The following SPIDR variants were observed in gnomAD, a reference collection of about 807,000 sequenced individuals.
SPIDR encodes the protein scaffold protein involved in DNA repair, also known as DNA repair-scaffolding protein.
In SPIDR, 93 loss-of-function variants were observed where a neutral mutation model predicts 104.6. The observed-to-expected ratio is 0.89, with a 90% CI of 0.75 to 1.06. The LOEUF (loss-of-function observed/expected upper bound fraction) is 1.06, where lower values mean the gene tolerates loss of function less well. Among genes scored for constraint, SPIDR ranks in the 50% least tolerant of loss-of-function variants. SPIDR has a pLI of 0.00. For missense variants in SPIDR, 1,154 were observed against 1,111.2 expected, an observed-to-expected ratio of 1.04 and a Z score of -0.55; for synonymous variants, 431 against 416.9, an observed-to-expected ratio of 1.03 and a Z score of -0.41.
At chr8:47,516,239 C>T (rs1283623058) in intron 8 of SPIDR, among the ~76,000 whole-genome samples, 1 of 152,194 alleles carries the variant, frequency 6.6e-6, no homozygotes, top group Non-Finnish European at 1.5e-5. Flanking sequence ...CCATCATACC[C>T]AGCCTCATGA....
chr8:47,495,345 T>C (rs1366822886), intron 8 of SPIDR, among the ~76,000 whole-genome samples: 2 of 151,478 alleles, frequency 1.3e-5, no homozygotes, highest in African/African-American at 4.9e-5. Flanking sequence ...TCTAAAAGGA[T>C]GTATAAAACA....
At chr8:47,553,350 G>T (rs1704329458) in intron 8 of SPIDR, among the ~76,000 whole-genome samples, 1 of 152,158 alleles carries the variant, frequency 6.6e-6, no homozygotes, top group Non-Finnish European at 1.5e-5. Context: ...TTCCAACTTG[G>T]TTCCATTCTC....
intron 5 of SPIDR, among the ~76,000 whole-genome samples, chr8:47,297,947 T>C (rs1563518794): frequency 6.6e-6 from 1 of 152,170 alleles, no homozygotes. Flanking sequence ...TAGCAGCATA[T>C]TTTGTAATCC....
Position 47,440,542 on chromosome 8 carries a change from G to T in SPIDR, c.1097G>T (p.Trp366Leu). The T allele has an allele frequency of 1.2e-6, 2 of 1,612,730 alleles. No individual in the cohort carries two copies. Among genetic ancestry groups the T allele is most frequent in the South Asian group, 2.2e-5 (2 of 91,020 alleles). ...GACACTGTCCGGATCTTCCCTCCCTGGTGAGTGCGCAGAACTTAATCCAGC... is the reference window on the plus strand; with the variant it reads ...GACACTGTCCGGATCTTCCCTCCCTTGTGAGTGCGCAGAACTTAATCCAGC... Reference protein sequence around the residue: ...PQDTVRIFPPWQKLIIPSGSC... With the variant: ...PQDTVRIFPPLQKLIIPSGSC... The change falls in exon 8 of 20, where the codon TGG becomes TTG. Residue 366 changes from tryptophan (W) to leucine (L), a missense_variant and splice_region_variant. Coordinates refer to ENST00000297423, the MANE Select transcript of SPIDR (RefSeq NM_001080394.4).
At chr8:47,661,244 A>C (rs974675358) in intron 10 of SPIDR, among the ~76,000 whole-genome samples, 1 of 152,194 alleles carries the variant, frequency 6.6e-6, no homozygotes, top group Non-Finnish European at 1.5e-5. Flanking sequence ...CACATGTCCT[A>C]CTTCTCTGTG....
At chr8:47,699,519 G>C (rs1211723964) in intron 11 of SPIDR, among the ~76,000 whole-genome samples, 1 of 152,046 alleles carries the variant, frequency 6.6e-6, no homozygotes, top group African/African-American at 2.4e-5. Context: ...AATCATAACT[G>C]TTTGTCCTTT....
chr8:47,469,728 G>A (rs1254087034), intron 8 of SPIDR, among the ~76,000 whole-genome samples: 1 of 152,112 alleles, frequency 6.6e-6, no homozygotes, highest in Non-Finnish European at 1.5e-5. Flanking sequence ...TGGAGGGTGG[G>A]CGGAAGGAGG....
chr8:47,451,909 A>G lies in SPIDR; in HGVS notation c.1097+11367A>G, dbSNP rs145790618. Among the ~76,000 whole-genome samples, 1,370 of 152,266 alleles carry G rather than the reference A, an allele frequency of 9.0e-3. 17 individuals are homozygous for G. The highest frequency in any genetic ancestry group is 0.014 in the Middle Eastern group (4 of 294). On this transcript the variant is annotated intron_variant, in intron 8 of 19. Coordinates refer to ENST00000297423, the MANE Select transcript of SPIDR (RefSeq NM_001080394.4). ...GCGCAGCAATTAGCAATCAAAACAC[A>G]TAATCAGCCCTGGTCCCAGCAATCT...
intron 8 of SPIDR, among the ~76,000 whole-genome samples, chr8:47,502,097 A>G (rs1260604003): frequency 6.6e-6 from 1 of 152,154 alleles, no homozygotes; most frequent in Non-Finnish European, 1.5e-5. Flanking sequence ...TTGGTCTAAA[A>G]TTGTCTTTTT....
At chr8:47,661,834 GCTT>G (rs938634464) in intron 10 of SPIDR, among the ~76,000 whole-genome samples, 1 of 152,232 alleles carries the variant, frequency 6.6e-6, no homozygotes, top group Non-Finnish European at 1.5e-5. Context: ...AGCCCAGAGA[GCTT>G]CTGTGCCTTG....
At chr8:47,437,767 A>G (rs1206055436) in intron 7 of SPIDR, among the ~76,000 whole-genome samples, 5 of 152,102 alleles carry the variant, frequency 3.3e-5, no homozygotes, top group African/African-American at 1.2e-4. Flanking sequence ...GTGGAGAAAT[A>G]GGAACACTTT....
chr8:47,599,255 T>C, intron 10 of SPIDR, 59 bp downstream of exon 10: 2 of 1,586,322 alleles, frequency 1.3e-6, no homozygotes, highest in East Asian at 4.5e-5. Flanking sequence ...CAGAGTGCTC[T>C]AGAAAGTGGA....
chr8:47,554,190 C>T (rs772129711), intron 8 of SPIDR, among the ~76,000 whole-genome samples: 2 of 152,160 alleles, frequency 1.3e-5, no homozygotes, highest in Non-Finnish European at 1.5e-5. Flanking sequence ...TTAGGCTACT[C>T]GAGGGTCAGG....
intron 8 of SPIDR, among the ~76,000 whole-genome samples, chr8:47,502,193 T>A (rs2080605276): frequency 6.6e-6 from 1 of 152,216 alleles, no homozygotes; most frequent in South Asian, 2.1e-4. Context: ...TTTCTGTTGA[T>A]TGGAATAGTT....
chr8:47,479,023 T>C (rs1268801857), intron 8 of SPIDR, among the ~76,000 whole-genome samples: 5 of 152,124 alleles, frequency 3.3e-5, no homozygotes, highest in African/African-American at 1.2e-4. Flanking sequence ...GGTATTCATC[T>C]CATCCAAAAG....
chr8:47,518,707 G>A (rs1287477415), intron 8 of SPIDR, among the ~76,000 whole-genome samples: 1 of 151,844 alleles, frequency 6.6e-6, no homozygotes, highest in Non-Finnish European at 1.5e-5. Flanking sequence ...CGCAATCTCG[G>A]CTCACTGCAA....
At chr8:47,603,578 G>A (rs1480390594) in intron 10 of SPIDR, among the ~76,000 whole-genome samples, 2 of 123,332 alleles carry the variant, frequency 1.6e-5, no homozygotes, top group South Asian at 5.1e-4. Context: ...TTTTTTTTTT[G>A]GTAGAGATAG....
intron 8 of SPIDR, among the ~76,000 whole-genome samples, chr8:47,495,557 A>G (rs2079314621): frequency 6.6e-6 from 1 of 151,886 alleles, no homozygotes; most frequent in African/African-American, 2.4e-5. Context: ...CAGCTTATCT[A>G]TTTTTTTATT....
chr8:47,266,045 C>G (rs1010403031), intron 1 of SPIDR, among the ~76,000 whole-genome samples: 1 of 151,670 alleles, frequency 6.6e-6, no homozygotes, highest in Non-Finnish European at 1.5e-5. Context: ...CCACCATGCC[C>G]GGTCTGAAGT....
Sources: gnomAD v4.1 joint callset for allele counts (sites outside exome capture counted in the v4.1 genomes callset) on GRCh38, gnomAD v4.1.1 for gene constraint, MANE v1.5 for transcripts, NCBI Gene and HGNC (gene_info 2026-07-23, HGNC 2026-07-21) for gene names.